Variants in FRMPD2 observed in about 807,000 individuals in gnomAD.
FRMPD2 encodes FERM and PDZ domain-containing protein 2.
Under a neutral mutation model 140.1 loss-of-function variants are expected in FRMPD2, and 96 were observed. The ratio of observed to expected loss-of-function variants is 0.69; its 90% confidence interval spans 0.58 to 0.81. The LOEUF (loss-of-function observed/expected upper bound fraction) is 0.81. Ranked by LOEUF, FRMPD2 falls within the 40% of genes least tolerant of loss-of-function variation. The pLI, the probability that FRMPD2 is intolerant of heterozygous loss-of-function variation, is 0.00. For missense variants in FRMPD2, 1,240 were observed against 1,447.4 expected, an observed-to-expected ratio of 0.86 and a Z score of 2.32; for synonymous variants, 449 against 547.6, an observed-to-expected ratio of 0.82 and a Z score of 2.52.
chr10:48,201,207 G>C (rs770627341), intron 15 of FRMPD2, 21 bp downstream of exon 15: 2 of 1,571,658 alleles, frequency 1.3e-6, no homozygotes, highest in African/African-American at 2.7e-5. Flanking sequence ...AGTGTATATG[G>C]AGAATACAGC....
At chr10:48,196,846 T>A (rs1431913423) in intron 15 of FRMPD2, among the ~76,000 whole-genome samples, 1 of 152,224 alleles carries the variant, frequency 6.6e-6, no homozygotes, top group Non-Finnish European at 1.5e-5. Context: ...GAATGTGCAG[T>A]TTGAGAAAAC....
At chr10:48,247,005 G>A (rs374489808) in intron 3 of FRMPD2, among the ~76,000 whole-genome samples, 1 of 152,176 alleles carries the variant, frequency 6.6e-6, no homozygotes, top group Non-Finnish European at 1.5e-5. Flanking sequence ...ACCAATGTTT[G>A]GTTAGTTCGG....
At chr10:48,167,917 C>A (rs1838141041) in intron 27 of FRMPD2, among the ~76,000 whole-genome samples, 1 of 146,426 alleles carries the variant, frequency 6.8e-6, no homozygotes, top group Non-Finnish European at 1.5e-5. Flanking sequence ...TCCAGACCAC[C>A]TTTGGGCTTG....
At chr10:48,244,205 G>A (rs747814148) in intron 4 of FRMPD2, among the ~76,000 whole-genome samples, 4 of 152,246 alleles carry the variant, frequency 2.6e-5, no homozygotes, top group Middle Eastern at 3.4e-3. Flanking sequence ...GGCTTGTCTC[G>A]AACTCCTGAG....
intron 1 of FRMPD2, among the ~76,000 whole-genome samples, chr10:48,267,314 C>G (rs186310508): frequency 6.6e-6 from 1 of 152,124 alleles, no homozygotes; most frequent in East Asian, 1.9e-4. Context: ...AAAGGCTCAA[C>G]AAAGAAATAT....
At chr10:48,159,824 C>T (rs1432382576) in intron 28 of FRMPD2, among the ~76,000 whole-genome samples, 2 of 151,650 alleles carry the variant, frequency 1.3e-5, no homozygotes, top group Non-Finnish European at 2.9e-5. Context: ...AAACATTCTG[C>T]AAAGACCAAC....
chr10:48,195,571 A>C (rs910160800), intron 15 of FRMPD2, among the ~76,000 whole-genome samples: 1 of 152,218 alleles, frequency 6.6e-6, no homozygotes, highest in Non-Finnish European at 1.5e-5. Context: ...GGCACTTGGG[A>C]AAACAGCAGT....
intron 15 of FRMPD2, among the ~76,000 whole-genome samples, chr10:48,197,742 G>A (rs1326777280): frequency 1.3e-5 from 2 of 152,182 alleles, no homozygotes; most frequent in African/African-American, 4.8e-5. Context: ...CAGCAGCTGT[G>A]GTAAAGCCAG....
At chr10:48,201,835 G>A (rs1839093734) in intron 14 of FRMPD2, among the ~76,000 whole-genome samples, 1 of 152,062 alleles carries the variant, frequency 6.6e-6, no homozygotes, top group Non-Finnish European at 1.5e-5. Flanking sequence ...TGGCTATAAT[G>A]TAGCAGGTTC....
chr10:48,172,847 C>G (rs1364209492), intron 25 of FRMPD2, 99 bp downstream of exon 25: 9 of 829,202 alleles, frequency 1.1e-5, no homozygotes, highest in East Asian at 7.3e-5. Context: ...CTTTTCAGGA[C>G]CCAGAGGAAG....
intron 8 of FRMPD2, among the ~76,000 whole-genome samples, chr10:48,237,328 C>T (rs1045029025): frequency 3.9e-5 from 6 of 152,042 alleles, no homozygotes; most frequent in African/African-American, 1.4e-4. Context: ...GAAGAAAAGC[C>T]AAAGGAGGTG....
chr10:48,240,165 T>C (rs565372871), intron 6 of FRMPD2, among the ~76,000 whole-genome samples, 195 bp downstream of exon 6: 18 of 152,346 alleles, frequency 1.2e-4, no homozygotes, highest in Middle Eastern at 3.4e-3. Flanking sequence ...CTGTGTTGTG[T>C]CCCCAAATAA....
intron 3 of FRMPD2, among the ~76,000 whole-genome samples, chr10:48,245,874 T>C (rs565028672): frequency 6.6e-6 from 1 of 152,208 alleles, no homozygotes; most frequent in East Asian, 1.9e-4. Flanking sequence ...TAATGAAACA[T>C]TGCATGTAAA....
intron 1 of FRMPD2, among the ~76,000 whole-genome samples, chr10:48,263,251 T>A (rs543250971): frequency 6.6e-6 from 1 of 152,160 alleles, no homozygotes; most frequent in Admixed American, 6.5e-5. Context: ...CTTCCACCTT[T>A]AGTAAACTAC....
chr10:48,198,892 T>G (rs1326981933), intron 15 of FRMPD2, among the ~76,000 whole-genome samples: 8 of 152,196 alleles, frequency 5.3e-5, no homozygotes, highest in Admixed American at 5.2e-4. Flanking sequence ...GAGATGCTGT[T>G]GGTGTATAGA....
At chr10:48,177,662 G>A (rs1838444533) in intron 22 of FRMPD2, 2 of 191,316 alleles carry the variant, frequency 1.0e-5, no homozygotes, top group Admixed American at 1.0e-4. Flanking sequence ...GGATGACAGT[G>A]GACTGCCCCA....
Position 48,260,493 on chromosome 10 carries a change from C to T in FRMPD2, c.26-8802G>A, listed in dbSNP as rs184710563. 2.9e-3 allele frequency among the ~76,000 whole-genome samples: 443 copies of T among 152,236 alleles called. 1 individual carries two copies. The highest frequency in any genetic ancestry group is 7.9e-3 in the South Asian group (38 of 4,826). ...CCCTGAATAGATTATATGATGCCTGCCCATAGCACAATTCAAACTCTGATC... is the reference window on the plus strand; with the variant it reads ...CCCTGAATAGATTATATGATGCCTGTCCATAGCACAATTCAAACTCTGATC... On this transcript the variant is annotated intron_variant, in intron 1 of 28. Transcript: ENST00000374201.
Position 48,185,599 on chromosome 10 carries a change from T to TCGG in FRMPD2, c.2310_2312dup (p.Arg771dup). The TCGG allele has an allele frequency of 6.2e-7, 1 of 1,614,118 alleles. No individual in the cohort carries two copies. Among genetic ancestry groups the TCGG allele is most frequent in the Non-Finnish European group, 8.5e-7 (1 of 1,180,004 alleles). On this transcript the variant is annotated inframe_insertion, in exon 18 of 29. Transcript: ENST00000374201. ...GTTTCAGTGTCACACGTACAATTTC[T>TCGG]CGGCCCGGTTCAGCTATAAAGCTCT...
At chr10:48,163,861 A>T (rs1445530662) in intron 27 of FRMPD2, among the ~76,000 whole-genome samples, 190 bp from the exon 28 acceptor site, 1 of 150,982 alleles carries the variant, frequency 6.6e-6, no homozygotes, top group Non-Finnish European at 1.5e-5. Context: ...ACACTCAGGC[A>T]CCTTGGCTTT....
Sources: gnomAD v4.1 joint callset for allele counts (sites outside exome capture counted in the v4.1 genomes callset) on GRCh38, gnomAD v4.1.1 for gene constraint, MANE v1.5 for transcripts, NCBI Gene and HGNC (gene_info 2026-07-23, HGNC 2026-07-21) for gene names.